The following KLHL6 variants were observed in gnomAD, a reference collection of about 807,000 sequenced individuals.
KLHL6 encodes kelch like family member 6, also known as kelch-like protein 6.
In KLHL6, 41 loss-of-function variants were observed where a neutral mutation model predicts 58.6. That is an observed-to-expected ratio of 0.70 (90% CI 0.55 to 0.91). The LOEUF (loss-of-function observed/expected upper bound fraction) is 0.91, where lower values mean the gene tolerates loss of function less well. Among genes scored for constraint, KLHL6 ranks in the 40% least tolerant of loss-of-function variants. The probability of loss-of-function intolerance (pLI) is 0.00; values close to 1 mark genes in which losing one functional copy is unlikely to be tolerated. For synonymous variants in KLHL6, 338 were observed against 322.7 expected, an observed-to-expected ratio of 1.05 and a Z score of -0.51; for missense variants, 714 against 805.6, an observed-to-expected ratio of 0.89 and a Z score of 1.38.
At chr3:183,523,454 C>T (rs1379729377) in intron 2 of KLHL6, among the ~76,000 whole-genome samples, 2 of 152,238 alleles carry the variant, frequency 1.3e-5, no homozygotes, top group East Asian at 3.9e-4. Context: ...CAGGCCCAGG[C>T]CAGATGACCA....
chr3:183,553,912 A>G (rs1226246211), intron 1 of KLHL6, among the ~76,000 whole-genome samples: 2 of 151,968 alleles, frequency 1.3e-5, no homozygotes, highest in South Asian at 2.1e-4. Flanking sequence ...AGACCTAATG[A>G]GTCCCACAGC....
intron 5 of KLHL6, chr3:183,493,015 T>C: frequency 2.8e-6 from 1 of 356,694 alleles, no homozygotes; most frequent in South Asian, 3.3e-5. Flanking sequence ...GGGAGGAAAA[T>C]GATGTTTTAT....
At position 183,492,705 on chromosome 3, in the gene KLHL6, G is replaced by A. The variant is rs763634133; in HGVS notation, c.1353C>T (p.Ala451=). ...YDPFHNCWSE[A]APLLVHVSSF... is the part of the protein sequence containing the mutation. ...AACTGACATGGACAAGGAGGGGTGC[G>A]GCCTGTAGAGGCACAGGGCACAAGA... Residue 451 remains alanine, a splice_region_variant and synonymous_variant, in exon 6 of 7, where the codon GCC becomes GCT. Transcript: ENST00000341319. The surrounding 1 kb of genome is among the most constrained non-coding windows in gnomAD (Gnocchi z 5.9). The A allele has an allele frequency of 1.9e-5, 30 of 1,612,844 alleles. No individual in the cohort carries two copies. Among genetic ancestry groups the A allele is most frequent in the Middle Eastern group, 2.0e-4 (1 of 5,110 alleles).
intron 2 of KLHL6, chr3:183,520,855 C>T (rs1470797879): frequency 6.6e-6 from 1 of 151,950 alleles, no homozygotes; most frequent in Non-Finnish European, 1.5e-5. Context: ...AGACAGATGC[C>T]TTCCTCTTAT....
intron 2 of KLHL6, among the ~76,000 whole-genome samples, chr3:183,514,673 A>ATT (rs776479112): frequency 2.7e-5 from 4 of 148,036 alleles, no homozygotes; most frequent in African/African-American, 9.9e-5. Context: ...ATTTAATTTA[A>ATT]TTTTTTTTTT....
At chr3:183,550,141 A>C (rs950698838) in intron 1 of KLHL6, among the ~76,000 whole-genome samples, 34 of 152,226 alleles carry the variant, frequency 2.2e-4, no homozygotes, top group African/African-American at 8.2e-4. Context: ...TTAAAAACTG[A>C]GATTCTCAAC....
intron 1 of KLHL6, among the ~76,000 whole-genome samples, chr3:183,537,276 C>T (rs889919783): frequency 6.6e-5 from 10 of 152,060 alleles, no homozygotes; most frequent in African/African-American, 2.2e-4. Context: ...CAGCAGTGCA[C>T]GAAAACCAAG....
intron 2 of KLHL6, among the ~76,000 whole-genome samples, chr3:183,510,407 C>A (rs1440396125): frequency 6.6e-6 from 1 of 151,938 alleles, no homozygotes; most frequent in East Asian, 1.9e-4. Context: ...GTGGGGCTAT[C>A]GAGCCTGAAG....
At chr3:183,553,259 G>A (rs1308843012) in intron 1 of KLHL6, among the ~76,000 whole-genome samples, 4 of 152,100 alleles carry the variant, frequency 2.6e-5, no homozygotes, top group South Asian at 2.1e-4. Context: ...TCTCATTGCC[G>A]TTGCCTCCTC....
chr3:183,534,997 T>C (rs1227949402), intron 1 of KLHL6, among the ~76,000 whole-genome samples: 1 of 149,990 alleles, frequency 6.7e-6, no homozygotes, highest in Non-Finnish European at 1.5e-5. Flanking sequence ...CAGGCTGGAG[T>C]GCAGTGGCAC....
chr3:183,508,844 G>A (rs902522727), intron 2 of KLHL6, among the ~76,000 whole-genome samples: 3 of 152,134 alleles, frequency 2.0e-5, no homozygotes, highest in Non-Finnish European at 2.9e-5. Context: ...TCATACAGTC[G>A]ATAGCTCTGT....
intron 4 of KLHL6, 82 bp from the exon 5 acceptor site, chr3:183,494,363 A>C: frequency 8.2e-7 from 1 of 1,225,326 alleles, no homozygotes. Context: ...CATGTCCAAA[A>C]GTGCCAGGTC....
chr3:183,507,980 C>T (rs1718057037), intron 3 of KLHL6, 79 bp downstream of exon 3: 3 of 1,301,970 alleles, frequency 2.3e-6, no homozygotes, highest in Non-Finnish European at 3.2e-6. Flanking sequence ...TTTGAATCCG[C>T]TTTGCTTGCA....
intron 4 of KLHL6, among the ~76,000 whole-genome samples, chr3:183,494,931 T>C (rs529659455): frequency 6.6e-6 from 1 of 152,336 alleles, no homozygotes; most frequent in South Asian, 2.1e-4. Context: ...GGCAACTCTC[T>C]TAAAAAACAG....
chr3:183,538,682 G>A (rs951746733), intron 1 of KLHL6, among the ~76,000 whole-genome samples: 2 of 152,264 alleles, frequency 1.3e-5, no homozygotes, highest in Admixed American at 6.5e-5. Context: ...AGAAAGCAGG[G>A]AGTCAGCAGA....
chr3:183,546,909 G>A lies in KLHL6; in HGVS notation c.293+8452C>T, dbSNP rs1159554927. On this transcript the variant is annotated intron_variant, in intron 1 of 6. Transcript: ENST00000341319. ...CCGGACTGAAACCCCAGTGCCATAA[G>A]TCTTTTTTTTTTTTTTTTTTGACGG... 8.6e-5 allele frequency among the ~76,000 whole-genome samples: 9 copies of A among 104,462 alleles called. No individual in the cohort carries two copies. The South Asian group carries it at 3.2e-3, about 37-fold the overall frequency. The allele number at this position is 104,462 out of a possible 152,430, so 68.5% of individuals were successfully genotyped here.
In KLHL6 at chr3:183,494,238, C is replaced by T. The variant is rs2256061; in HGVS notation, c.1191G>A (p.Ser397=). The stretch of plus-strand genomic sequence containing the variant: ...ACTCAATCTGAATCCACTTGTTGAT[C>T]GAAGAATTATATTTCCAAACATCAT... ...TQHDVWKYNS[S]INKWIQIEYL... Residue 397 remains serine, a synonymous_variant, in exon 5 of 7, where the codon TCG becomes TCA. Coordinates refer to ENST00000341319, the MANE Select transcript of KLHL6 (RefSeq NM_130446.4). The T allele has an allele frequency of 0.2, 322,332 of 1,612,614 alleles. 34,041 individuals are homozygous for T. The highest frequency in any genetic ancestry group is 0.26 in the Middle Eastern group (1,566 of 6,060).
At chr3:183,521,102 AC>A (rs1711743022) in intron 2 of KLHL6, 1 of 152,280 alleles carries the variant, frequency 6.6e-6, no homozygotes, top group Non-Finnish European at 1.5e-5. Context: ...AATGGCGATG[AC>A]TTTTACCAAG....
intron 2 of KLHL6, among the ~76,000 whole-genome samples, chr3:183,511,006 G>A (rs566440319): frequency 6.6e-6 from 1 of 152,152 alleles, no homozygotes; most frequent in African/African-American, 2.4e-5. Flanking sequence ...AGACACAGAG[G>A]CAAAGTACAG....
Sources: gnomAD v4.1 joint callset for allele counts (sites outside exome capture counted in the v4.1 genomes callset) on GRCh38, gnomAD v4.1.1 for gene constraint, Gnocchi (gnomAD v3.1) non-coding constraint, MANE v1.5 for transcripts, NCBI Gene and HGNC (gene_info 2026-07-23, HGNC 2026-07-21) for gene names.